CBARP: variants seen among roughly 807,000 people sequenced by gnomAD.
CBARP encodes the protein voltage-dependent calcium channel beta subunit-associated regulatory protein.
CBARP carries 24 observed loss-of-function variants against 36.3 expected under a neutral mutation model. The observed-to-expected ratio is 0.66, with a 90% CI of 0.48 to 0.93. The LOEUF (loss-of-function observed/expected upper bound fraction) is 0.93. CBARP is among the 40% of genes least tolerant of loss of function. CBARP has a pLI of 0.00. For synonymous variants in CBARP, 586 were observed against 453.2 expected (o/e 1.29, Z -3.72); for missense variants, 1,146 against 980.4 (o/e 1.17, Z -2.26).
chr19:1,230,907 C>T (rs780767215), intron 9 of CBARP, 194 bp downstream of exon 9: 11 of 1,570,422 alleles, frequency 7.0e-6, no homozygotes, highest in South Asian at 7.0e-5. Context: ...CCAGTCTCTC[C>T]CTGCTTCCCT....
At chr19:1,230,663 G>T in intron 9 of CBARP, 1 of 1,278,894 alleles carries the variant, frequency 7.8e-7, no homozygotes, top group Non-Finnish European at 9.9e-7. Context: ...ACCGACGTGG[G>T]CCCTGGGCTT....
rs2080861711 is a variant in CBARP at position 1,229,494 on chromosome 19, G to A, written c.1803C>T (p.Thr601=). ...GGGCCGCGCCGGCAGGCGGTGCCGG[G>A]GTTCCGGCCAGGGCCGGGGCCGCGC... The part of the protein sequence containing the change: ...GARAAPALAG[T]PAPPAGAARP... The change falls in exon 10 of 10, where the codon ACC becomes ACT. Residue 601 remains threonine (T), a synonymous_variant. Coordinates refer to ENST00000650044, the MANE Select transcript of CBARP (RefSeq NM_001393918.1). The surrounding 1 kb of genome is among the most constrained non-coding windows in gnomAD (Gnocchi z 5.1). 1.0e-6 allele frequency: 1 copy of A among 979,190 alleles called. No homozygotes were observed. The highest frequency in any genetic ancestry group is 4.7e-5 in the South Asian group (1 of 21,232). 60.7% of individuals were successfully genotyped at this position (979,190 alleles called of 1,614,324 possible). A position where few individuals can be genotyped will look rare whatever the true frequency, so the allele number is the denominator to read the frequency against.
rs1049955940 is a variant in CBARP, at chr19:1,228,688, G to A, written c.*491C>T. The A allele has an allele frequency of 4.0e-5, 6 of 150,870 alleles. No individual in the cohort carries two copies. Among genetic ancestry groups the A allele is most frequent in the Non-Finnish European group, 7.4e-5 (5 of 67,916 alleles). 9.3% of individuals were successfully genotyped at this position (150,870 alleles called of 1,614,324 possible). A position where few individuals can be genotyped will look rare whatever the true frequency, so the allele number is the denominator to read the frequency against. On this transcript the variant is annotated 3_prime_UTR_variant, in exon 10 of 10. Coordinates refer to ENST00000650044, the MANE Select transcript of CBARP (RefSeq NM_001393918.1). ...GTTGAGCCGCCTCCCGGCCCAGGGC[G>A]GCGAACTCGTCTGCGACCGTTAGCG...
At position 1,229,326 on chromosome 19, in the gene CBARP, C is replaced by T. The variant is rs751832793; in HGVS notation, c.1971G>A (p.Leu657=). 216 of 1,229,936 alleles carry T rather than the reference C, an allele frequency of 1.8e-4. 1 individual carries two copies. The African/African-American group carries it at 3.4e-3, about 19-fold the overall frequency. The allele number at this position is 1,229,936 out of a possible 1,614,324, so 76.2% of individuals were successfully genotyped here. A position where few individuals can be genotyped will look rare whatever the true frequency, so the allele number is the denominator to read the frequency against. The change falls in exon 10 of 10, where the codon CTG becomes CTA. Residue 657 remains leucine (L), a synonymous_variant. Transcript: ENST00000650044. This position sits in a 1 kb window ranked among gnomAD's most constrained non-coding sequence, Gnocchi z 5.1. The part of the protein sequence containing the change: ...PGGGGCPGSG[L]CVLPSGSVLD... Reference sequence around the variant, plus strand: ...GCACCGACCCGGATGGTAGGACGCACAGGCCCGAGCCGGGGCACCCCCCGC... The same window carrying T: ...GCACCGACCCGGATGGTAGGACGCATAGGCCCGAGCCGGGGCACCCCCCGC...
Position 1,234,268 on chromosome 19 carries a change from A to G in CBARP, c.691T>C (p.Tyr231His). ...TCAGTGGCGCCCGCGGCTGAGTTGT[A>G]GGGGTCACCTGGCAGGGCGGAGCTG... The part of the protein sequence containing the change: ...GPSSALPGDP[Y>H]NSAAGATDFA... The change falls in exon 7 of 10, where the codon TAC (tyrosine) becomes CAC (histidine). Residue 231 changes from tyrosine (Y) to histidine (H), a missense_variant. By Grantham distance (83) the Tyr-to-His change is moderately conservative. Coordinates refer to ENST00000650044, the MANE Select transcript of CBARP (RefSeq NM_001393918.1). 1 of 1,459,998 alleles carries G rather than the reference A, an allele frequency of 6.8e-7. No individual in the cohort carries two copies. The highest frequency in any genetic ancestry group is 1.4e-5 in the South Asian group (1 of 69,068). The allele number at this position is 1,459,998 out of a possible 1,614,324, so 90.4% of individuals were successfully genotyped here.
At chr19:1,231,357 C>CG in intron 8 of CBARP, 82 bp from the exon 9 acceptor site, 1 of 1,337,934 alleles carries the variant, frequency 7.5e-7, no homozygotes, top group South Asian at 1.3e-5. Context: ...TATGCCCCCC[C>CG]GCCACACACA....
rs1285161978 is a variant in CBARP at position 1,228,951 on chromosome 19, G to C, written c.*228C>G. On this transcript the variant is annotated 3_prime_UTR_variant, in exon 10 of 10. Transcript: ENST00000650044. ...CCGCGCCTCACGACGCCCAGCACCC[G>C]GCAAGCACCGGAAAGAGCAGTGCAC... 6.7e-6 allele frequency: 1 copy of C among 148,426 alleles called. No individual in the cohort carries two copies. The highest frequency in any genetic ancestry group is 2.4e-5 in the African/African-American group (1 of 41,014). 9.2% of individuals were successfully genotyped at this position (148,426 alleles called of 1,614,324 possible). A position where few individuals can be genotyped will look rare whatever the true frequency, so the allele number is the denominator to read the frequency against.
chr19:1,228,496 G>T lies in CBARP; in HGVS notation c.*683C>A. 1 of 194,444 alleles carries T rather than the reference G, an allele frequency of 5.1e-6. No homozygotes were observed. Among genetic ancestry groups the T allele is most frequent in the South Asian group, 1.8e-4 (1 of 5,520 alleles). 12.0% of individuals were successfully genotyped at this position (194,444 alleles called of 1,614,324 possible). ...GGGCGGCAGCGGGGCGGGCGCCGTT[G>T]ACATGCGGAGGGCAGTGGGGACTCG... is the stretch of plus-strand genomic sequence containing the variant. On this transcript the variant is annotated 3_prime_UTR_variant, in exon 10 of 10. Coordinates refer to ENST00000650044, the MANE Select transcript of CBARP (RefSeq NM_001393918.1).
At chr19:1,230,750 CCAGCCTTGGGA>C (rs2080878872) in intron 9 of CBARP, 1 of 1,326,104 alleles carries the variant, frequency 7.5e-7, no homozygotes, top group African/African-American at 1.5e-5. Context: ...AGGAGTCTGC[CCAGCCTTGGGA>C]GCATGGGCGG....
At position 1,229,777 on chromosome 19, in the gene CBARP, C is replaced by T; in HGVS notation, c.1520G>A (p.Ser507Asn). The T allele has an allele frequency of 9.8e-7, 1 of 1,016,672 alleles. No individual in the cohort carries two copies. Among genetic ancestry groups the T allele is most frequent in the Non-Finnish European group, 1.2e-6 (1 of 843,274 alleles). The allele number at this position is 1,016,672 out of a possible 1,614,324, so 63.0% of individuals were successfully genotyped here. A position where few individuals can be genotyped will look rare whatever the true frequency, so the allele number is the denominator to read the frequency against. ...RLLQMDSGYA[S>N]IEGRGAGDDT... Reference sequence around the variant, plus strand: ...GTCGCCTGCGCCGCGGCCCTCGATGCTGGCGTAGCCACTGTCCATCTGCAG... The same window carrying T: ...GTCGCCTGCGCCGCGGCCCTCGATGTTGGCGTAGCCACTGTCCATCTGCAG... The change falls in exon 10 of 10, where the codon AGC becomes AAC. Residue 507 changes from serine to asparagine, a missense_variant. Coordinates refer to ENST00000650044, the MANE Select transcript of CBARP (RefSeq NM_001393918.1). The surrounding 1 kb of genome is among the most constrained non-coding windows in gnomAD (Gnocchi z 5.1).
chr19:1,231,555 C>T (rs559435792), intron 8 of CBARP, among the ~76,000 whole-genome samples: 43 of 77,962 alleles, frequency 5.5e-4, no homozygotes, highest in Non-Finnish European at 9.6e-4. Flanking sequence ...CACACACACA[C>T]GCCTGTGCCC....
Position 1,235,195 on chromosome 19 carries a change from G to A in CBARP, c.311-50C>T, listed in dbSNP as rs369581728. ...GGGCCCCGGGCGGGCCACGCCAGGC[G>A]CCTGGTCCCGGGAGGGCTGCTCCTC... is the stretch of plus-strand genomic sequence containing the variant. On this transcript the variant is annotated intron_variant, in intron 4 of 9. Transcript: ENST00000650044. 1.1e-4 allele frequency: 165 copies of A among 1,455,614 alleles called. No individual in the cohort carries two copies. In the African/African-American group the frequency reaches 1.3e-3, roughly 12 times the overall value. 90.2% of individuals were successfully genotyped at this position (1,455,614 alleles called of 1,614,324 possible).
intron 9 of CBARP, chr19:1,230,799 A>G: frequency 7.0e-7 from 1 of 1,420,706 alleles, no homozygotes; most frequent in South Asian, 1.6e-5. Context: ...GCCTGGGACC[A>G]CAGCAGAACC....
At chr19:1,235,649 C>T in intron 3 of CBARP, 84 bp from the exon 4 acceptor site, 1 of 1,585,072 alleles carries the variant, frequency 6.3e-7, no homozygotes, top group Non-Finnish European at 8.6e-7. Context: ...CAAGCCAAGC[C>T]CTGCGCATCA....
chr19:1,238,220 G>C (rs184129695), upstream of CBARP: 1 of 151,950 alleles, frequency 6.6e-6, no homozygotes, highest in Non-Finnish European at 1.5e-5. Flanking sequence ...CGACTCTGCA[G>C]CCCGAGGTGC....
chr19:1,232,527 G>C (rs947878997), intron 8 of CBARP, among the ~76,000 whole-genome samples: 1 of 152,196 alleles, frequency 6.6e-6, no homozygotes, highest in Admixed American at 6.5e-5. Flanking sequence ...AGCTGGCTGA[G>C]CAGGGCTGGT....
chr19:1,233,388 C>A (rs1017422571), intron 8 of CBARP, 38 bp downstream of exon 8: 1 of 1,529,172 alleles, frequency 6.5e-7, no homozygotes, highest in Non-Finnish European at 8.8e-7. Context: ...AGCACCCAGC[C>A]CACAGGGGCC....
chr19:1,231,070 A>G lies in CBARP; in HGVS notation c.1154+31T>C, dbSNP rs770117663. ...AAGGGGGGCAAGGGCCCACAGGTCC[A>G]CCCCTAGCACCTCCATCTACTGAAA... On this transcript the variant is annotated intron_variant, in intron 9 of 9. Transcript: ENST00000650044. 1.0e-5 allele frequency: 16 copies of G among 1,580,928 alleles called. No individual in the cohort carries two copies. The South Asian group carries it at 1.7e-4, about 17-fold the overall frequency.
chr19:1,230,194 C>T, intron 9 of CBARP, 52 bp from the exon 10 acceptor site: 1 of 995,368 alleles, frequency 1.0e-6, no homozygotes, highest in Non-Finnish European at 1.2e-6. Context: ...CGCCCCCTAC[C>T]CGGCCGGCCA....
Sources: allele counts gnomAD v4.1 joint callset (sites outside exome capture counted in the v4.1 genomes callset), GRCh38; gene constraint gnomAD v4.1.1; non-coding constraint Gnocchi (gnomAD v3.1); transcripts MANE v1.5; gene names NCBI Gene and HGNC (gene_info 2026-07-23, HGNC 2026-07-21).